The following PYHIN1 variants were observed in gnomAD, a reference collection of about 807,000 sequenced individuals.
PYHIN1 encodes pyrin and HIN domain-containing protein 1.
In PYHIN1, 32 loss-of-function variants were observed where a neutral mutation model predicts 43.7. That is an observed-to-expected ratio of 0.73 (90% CI 0.55 to 0.98). The LOEUF (loss-of-function observed/expected upper bound fraction) is 0.98. Ranked by LOEUF, PYHIN1 falls within the 50% of genes least tolerant of loss-of-function variation. PYHIN1 has a pLI of 0.00. For missense variants in PYHIN1, 588 were observed against 589.5 expected, an observed-to-expected ratio of 1.00 and a Z score of 0.03; for synonymous variants, 205 against 203.1, an observed-to-expected ratio of 1.01 and a Z score of -0.08.
chr1:158,938,767 T>C (rs76450859), intron 3 of PYHIN1, among the ~76,000 whole-genome samples: 4 of 152,216 alleles, frequency 2.6e-5, no homozygotes, highest in Non-Finnish European at 5.9e-5. Context: ...TATTTTCATC[T>C]CCAATAGAGA....
intron 4 of PYHIN1, 22 bp from the exon 5 acceptor site, chr1:158,941,955 A>G (rs1431277388): frequency 1.3e-6 from 2 of 1,541,600 alleles, no homozygotes; most frequent in Non-Finnish European, 1.7e-6. Flanking sequence ...TCTTTTTTGT[A>G]TTCCTTTTGT....
chr1:158,946,924 A>G (rs934449889), intron 7 of PYHIN1, among the ~76,000 whole-genome samples: 2 of 152,190 alleles, frequency 1.3e-5, no homozygotes, highest in African/African-American at 4.8e-5. Flanking sequence ...TCCTGACCTC[A>G]ATCTCCTAAT....
In PYHIN1 at chr1:158,976,835, A is replaced by AACT. The variant is rs1651291471; in HGVS notation, c.*141_*142insCTA. On this transcript the variant is annotated 3_prime_UTR_variant, in exon 9 of 9. Coordinates refer to ENST00000368140, the MANE Select transcript of PYHIN1 (RefSeq NM_152501.5). ...TATGAAGATAAGATCAAAGCACAGA[A>AACT]AATAATATATGTATATATATCTGGT... is the stretch of plus-strand genomic sequence containing the variant. 1 of 440,196 alleles carries AACT rather than the reference A, an allele frequency of 2.3e-6. No individual in the cohort carries two copies. Among genetic ancestry groups the AACT allele is most frequent in the Non-Finnish European group, 4.1e-6 (1 of 243,130 alleles). The allele number at this position is 440,196 out of a possible 1,614,324, so 27.3% of individuals were successfully genotyped here. A position where few individuals can be genotyped will look rare whatever the true frequency, so the allele number is the denominator to read the frequency against.
At chr1:158,953,456 C>G (rs953466029) in intron 7 of PYHIN1, among the ~76,000 whole-genome samples, 8 of 150,542 alleles carry the variant, frequency 5.3e-5, no homozygotes, top group African/African-American at 1.7e-4. Flanking sequence ...GACCCCCGAG[C>G]AGCCTAACTG....
chr1:158,956,302 A>C (rs2101694327), intron 7 of PYHIN1, among the ~76,000 whole-genome samples: 1 of 152,256 alleles, frequency 6.6e-6, no homozygotes. Context: ...CACAACCAAA[A>C]AAGAGAATTT....
intron 8 of PYHIN1, among the ~76,000 whole-genome samples, chr1:158,975,188 C>T (rs1193079142): frequency 6.6e-6 from 1 of 151,996 alleles, no homozygotes. Context: ...TTCACTAGCT[C>T]TGAAAGAAGT....
intron 5 of PYHIN1, among the ~76,000 whole-genome samples, chr1:158,943,043 T>C (rs922762041): frequency 3.3e-5 from 5 of 152,154 alleles, no homozygotes; most frequent in African/African-American, 4.8e-5. Flanking sequence ...TATGTTACTG[T>C]CAAAATTCAC....
At chr1:158,976,593 T>G in intron 8 of PYHIN1, 108 bp from the exon 9 acceptor site, 2 of 757,310 alleles carry the variant, frequency 2.6e-6, no homozygotes, top group Non-Finnish European at 4.4e-6. Flanking sequence ...CAGATGGAAA[T>G]AGAAGAAGAG....
chr1:158,942,984 A>G (rs1320474986), intron 5 of PYHIN1, among the ~76,000 whole-genome samples: 3 of 152,134 alleles, frequency 2.0e-5, no homozygotes, highest in Non-Finnish European at 4.4e-5. Flanking sequence ...GGTAATCTGT[A>G]CTCGTATATT....
chr1:158,937,901 C>A lies in PYHIN1; in HGVS notation c.266-496C>A, dbSNP rs530383881. On this transcript the variant is annotated intron_variant, in intron 2 of 8. Coordinates refer to ENST00000368140, the MANE Select transcript of PYHIN1 (RefSeq NM_152501.5). ...CGGAGCTGGCAGTGAGCCGAGATCG[C>A]GCCACTGCACTCCCGCCTGGGCGAC... Among the ~76,000 whole-genome samples the A allele has an allele frequency of 4.0e-5, 6 of 151,006 alleles. No individual in the cohort carries two copies. In the East Asian group the frequency reaches 1.2e-3, roughly 29 times the overall value.
At chr1:158,961,557 A>G (rs1483175114) in intron 7 of PYHIN1, among the ~76,000 whole-genome samples, 2 of 151,998 alleles carry the variant, frequency 1.3e-5, no homozygotes, top group East Asian at 3.9e-4. Context: ...CATGGAGAAT[A>G]GAGAAGAGTG....
chr1:158,978,228 T>C (rs957323204), downstream of PYHIN1, among the ~76,000 whole-genome samples: 1 of 152,080 alleles, frequency 6.6e-6, no homozygotes, highest in East Asian at 1.9e-4. Context: ...ACATTCTTTA[T>C]TGCCAAATAT....
the PYHIN1 span, among the ~76,000 whole-genome samples, chr1:158,987,162 C>A: frequency 6.6e-6 from 1 of 152,174 alleles, no homozygotes; most frequent in African/African-American, 2.4e-5. Context: ...GTGGCTACAA[C>A]AATTTACATT....
chr1:158,965,873 G>A (rs568847269), intron 7 of PYHIN1, among the ~76,000 whole-genome samples: 1 of 151,896 alleles, frequency 6.6e-6, no homozygotes, highest in Non-Finnish European at 1.5e-5. Context: ...CAGGAGAAAA[G>A]AAATAACCAA....
At chr1:158,958,997 C>A (rs1205921159) in intron 7 of PYHIN1, among the ~76,000 whole-genome samples, 3 of 151,444 alleles carry the variant, frequency 2.0e-5, no homozygotes, top group Non-Finnish European at 4.4e-5. Flanking sequence ...AGTGATGAAA[C>A]CCTGGTCTGA....
chr1:158,987,624 G>A, the PYHIN1 span, among the ~76,000 whole-genome samples: 1 of 152,094 alleles, frequency 6.6e-6, no homozygotes, highest in East Asian at 1.9e-4. Context: ...AAGGTCATGT[G>A]GATTTACACC....
Position 158,933,414 on chromosome 1 carries a change from G to A in PYHIN1, c.-21+1638G>A, listed in dbSNP as rs1291604897. On this transcript the variant is annotated intron_variant, in intron 1 of 8. Transcript: ENST00000368140. This position sits in a 1 kb window ranked among gnomAD's most constrained non-coding sequence, Gnocchi z 6.3. ...CCAGGAATTCAACCTTTTACCATGT[G>A]GTATCTGATAATACTCTTTGTCTTA... is the stretch of plus-strand genomic sequence containing the variant. Among the ~76,000 whole-genome samples the A allele has an allele frequency of 6.6e-6, 1 of 151,210 alleles. No homozygotes were observed. The highest frequency in any genetic ancestry group is 1.5e-5 in the Non-Finnish European group (1 of 67,710).
At chr1:158,969,623 A>T (rs1650823786) in intron 7 of PYHIN1, among the ~76,000 whole-genome samples, 1 of 151,994 alleles carries the variant, frequency 6.6e-6, no homozygotes, top group Non-Finnish European at 1.5e-5. Context: ...AGTGCTATCA[A>T]TCTAACCTAT....
At chr1:158,990,194 C>A in the PYHIN1 span, among the ~76,000 whole-genome samples, 1 of 149,378 alleles carries the variant, frequency 6.7e-6, no homozygotes, top group Non-Finnish European at 1.5e-5. Context: ...TCTGATAGAA[C>A]TTGAGCAGTT....
Sources: gnomAD v4.1 joint callset for allele counts (sites outside exome capture counted in the v4.1 genomes callset) on GRCh38, gnomAD v4.1.1 for gene constraint, Gnocchi (gnomAD v3.1) non-coding constraint, MANE v1.5 for transcripts, NCBI Gene and HGNC (gene_info 2026-07-23, HGNC 2026-07-21) for gene names.